The following HMBOX1 variants were observed in gnomAD, a reference collection of about 807,000 sequenced individuals.
The protein encoded by HMBOX1 is homeobox-containing protein 1.
Under a neutral mutation model 54.5 loss-of-function variants are expected in HMBOX1, and 14 were observed. The ratio of observed to expected loss-of-function variants is 0.26; its 90% CI spans 0.17 to 0.40. HMBOX1 has a LOEUF of 0.40. Among genes scored for constraint, HMBOX1 ranks in the 10% least tolerant of loss-of-function variants. The pLI is 1.00. For synonymous variants in HMBOX1, 160 were observed against 181.0 expected (o/e 0.88, Z 0.93); for missense variants, 332 against 514.4 (o/e 0.65, Z 3.43).
At chr8:29,010,008 G>C in intron 5 of HMBOX1, 1 of 984,284 alleles carries the variant, frequency 1.0e-6, no homozygotes, top group African/African-American at 1.7e-5. Context: ...AATAGCATTG[G>C]CTCTGAGGTA....
At chr8:29,000,562 T>G (rs1264533692) in intron 4 of HMBOX1, among the ~76,000 whole-genome samples, 2 of 152,260 alleles carry the variant, frequency 1.3e-5, no homozygotes, top group Non-Finnish European at 2.9e-5. Context: ...TGCCACTGAT[T>G]GTTTTCGACA....
chr8:28,975,624 G>T (rs1828237200), intron 3 of HMBOX1, among the ~76,000 whole-genome samples: 1 of 152,192 alleles, frequency 6.6e-6, no homozygotes, highest in South Asian at 2.1e-4. Context: ...ACTTGAACTG[G>T]TTAGTTGCAA....
At chr8:28,985,884 C>T (rs1482869018) in intron 4 of HMBOX1, among the ~76,000 whole-genome samples, 1 of 152,180 alleles carries the variant, frequency 6.6e-6, no homozygotes, top group Non-Finnish European at 1.5e-5. Flanking sequence ...CCACTATCAC[C>T]ATCCAGCCCC....
intron 6 of HMBOX1, among the ~76,000 whole-genome samples, chr8:29,035,240 A>C (rs1356138468): frequency 6.6e-6 from 1 of 152,148 alleles, no homozygotes; most frequent in Non-Finnish European, 1.5e-5. Context: ...TCATAAGAAA[A>C]ACCATGCAAA....
chr8:28,990,323 A>G (rs1830797815), intron 4 of HMBOX1, among the ~76,000 whole-genome samples: 1 of 152,186 alleles, frequency 6.6e-6, no homozygotes, highest in African/African-American at 2.4e-5. Context: ...AGTTTTTCAT[A>G]GTTGCCCTTT....
chr8:29,032,612 A>T (rs1395498695), intron 6 of HMBOX1, among the ~76,000 whole-genome samples: 1 of 152,190 alleles, frequency 6.6e-6, no homozygotes, highest in African/African-American at 2.4e-5. Context: ...AGAATGAATT[A>T]TTTCACCATC....
At chr8:28,992,123 A>G (rs1161015885) in intron 4 of HMBOX1, among the ~76,000 whole-genome samples, 1 of 152,210 alleles carries the variant, frequency 6.6e-6, no homozygotes, top group Non-Finnish European at 1.5e-5. Flanking sequence ...GGTCAAGGGC[A>G]CGACTTTGAG....
At chr8:28,967,635 A>G (rs961117439) in intron 2 of HMBOX1, among the ~76,000 whole-genome samples, 16 of 152,216 alleles carry the variant, frequency 1.1e-4, no homozygotes, top group Non-Finnish European at 8.8e-5. Context: ...AAGTAAGATC[A>G]CTTTATGAAA....
At chr8:28,936,350 G>A (rs1325480513) in intron 1 of HMBOX1, among the ~76,000 whole-genome samples, 12 of 151,596 alleles carry the variant, frequency 7.9e-5, no homozygotes, top group Admixed American at 7.9e-4. Flanking sequence ...ACTTTTATGA[G>A]CAATTAAAAT....
At chr8:28,912,494 G>C (rs897523640) in intron 1 of HMBOX1, among the ~76,000 whole-genome samples, 1 of 152,136 alleles carries the variant, frequency 6.6e-6, no homozygotes, top group Non-Finnish European at 1.5e-5. Flanking sequence ...CAATCCACCA[G>C]AATCTGGTGT....
intron 1 of HMBOX1, among the ~76,000 whole-genome samples, chr8:28,944,089 G>A (rs1821961753): frequency 6.6e-6 from 1 of 152,158 alleles, no homozygotes; most frequent in East Asian, 1.9e-4. Context: ...GCTAGATACT[G>A]CCCCTAGATG....
At chr8:28,900,709 TAAG>T (rs1361716364) in intron 1 of HMBOX1, among the ~76,000 whole-genome samples, 1 of 152,178 alleles carries the variant, frequency 6.6e-6, no homozygotes, top group Non-Finnish European at 1.5e-5. Context: ...TATGAACTCT[TAAG>T]AAGACAGTCT....
chr8:29,044,760 T>C (rs1394248465), intron 6 of HMBOX1, among the ~76,000 whole-genome samples: 5 of 152,230 alleles, frequency 3.3e-5, no homozygotes, highest in Non-Finnish European at 5.9e-5. Flanking sequence ...CTTAGAAATA[T>C]GTCATAAACA....
intron 1 of HMBOX1, among the ~76,000 whole-genome samples, chr8:28,951,656 A>C (rs550135614): frequency 3.3e-5 from 5 of 152,240 alleles, no homozygotes; most frequent in South Asian, 2.1e-4. Context: ...ATGAATGTGC[A>C]AAAGACACAG....
At chr8:29,024,640 A>G (rs1162638817) in intron 6 of HMBOX1, among the ~76,000 whole-genome samples, 1 of 152,238 alleles carries the variant, frequency 6.6e-6, no homozygotes, top group Non-Finnish European at 1.5e-5. Context: ...ACATTTGAAT[A>G]GGAATTTAAT....
chr8:28,931,055 T>C (rs895917608), intron 1 of HMBOX1, among the ~76,000 whole-genome samples: 1 of 152,206 alleles, frequency 6.6e-6, no homozygotes, highest in African/African-American at 2.4e-5. Context: ...TCCTCAACTC[T>C]CTTTTTTGTT....
At chr8:28,900,120 G>A (rs574624262) in intron 1 of HMBOX1, among the ~76,000 whole-genome samples, 4 of 150,752 alleles carry the variant, frequency 2.7e-5, no homozygotes, top group Admixed American at 1.3e-4. Flanking sequence ...GCATCATGGC[G>A]CGCCTGTAAT....
At chr8:28,922,933 T>C (rs1817794691) in intron 1 of HMBOX1, among the ~76,000 whole-genome samples, 1 of 152,168 alleles carries the variant, frequency 6.6e-6, no homozygotes, top group Non-Finnish European at 1.5e-5. Context: ...AGTAATACTA[T>C]AAAAAAGCCT....
At chr8:28,996,992 T>G (rs900490706) in intron 4 of HMBOX1, among the ~76,000 whole-genome samples, 12 of 151,074 alleles carry the variant, frequency 7.9e-5, no homozygotes, top group Non-Finnish European at 1.2e-4. Flanking sequence ...TCTAATGGGG[T>G]GTGTGTGTGT....
Sources: allele counts gnomAD v4.1 joint callset (sites outside exome capture counted in the v4.1 genomes callset), GRCh38; gene constraint gnomAD v4.1.1; transcripts MANE v1.5; gene names NCBI Gene and HGNC (gene_info 2026-07-23, HGNC 2026-07-21).